Variants in NBDY observed in about 807,000 individuals in gnomAD.
The protein encoded by NBDY is negative regulator of P-body association.
intron 2 of NBDY, among the ~76,000 whole-genome samples, chrX:56,739,260 A>G (rs1004817167): frequency 1.2e-5 from 1 of 80,507 alleles, no homozygotes; most frequent in African/African-American, 5.3e-5. Context: ...ATATATATAT[A>G]TATGTATGTA....
intron 2 of NBDY, among the ~76,000 whole-genome samples, chrX:56,801,987 C>G (rs1305100635): frequency 1.3e-4 from 3 of 23,089 alleles, no homozygotes; most frequent in African/African-American, 2.3e-4. Flanking sequence ...GACACACACA[C>G]ACACACACAC....
At chrX:56,734,783 G>T (rs2069478303) in intron 2 of NBDY, among the ~76,000 whole-genome samples, 1 of 112,023 alleles carries the variant, frequency 8.9e-6, no homozygotes, top group African/African-American at 3.2e-5. Context: ...ATTCAACTTT[G>T]ATGATATTCA....
chrX:56,747,701 G>A (rs1441247216), intron 2 of NBDY, among the ~76,000 whole-genome samples: 1 of 111,633 alleles, frequency 9.0e-6, no homozygotes, highest in South Asian at 3.8e-4. Context: ...GCCATGTGGA[G>A]GATAGTATAG....
chrX:56,813,265 G>T (rs902136188), intron 2 of NBDY, among the ~76,000 whole-genome samples: 1 of 111,051 alleles, frequency 9.0e-6, no homozygotes, highest in Non-Finnish European at 1.9e-5. Context: ...CTCTTGGCTC[G>T]CTGTTTGTCC....
rs184622259 is a variant in NBDY at position 56,799,305 on chromosome X, G to A, written c.*167-18015G>A. ...GGATAGGGTGCCCCTGTCCCTGCGT[G>A]GCCCCAGCCAAGGGCACCCCTGAAC... is the stretch of plus-strand genomic sequence containing the variant. On this transcript the variant is annotated intron_variant, in intron 2 of 2. Transcript: ENST00000374922. 4.0e-3 allele frequency among the ~76,000 whole-genome samples: 448 copies of A among 112,804 alleles called. 2 individuals carry two copies. Among genetic ancestry groups the A allele is most frequent in the African/African-American group, 0.014 (430 of 31,115 alleles).
chrX:56,787,863 T>A (rs2069738280), intron 2 of NBDY, among the ~76,000 whole-genome samples: 1 of 112,342 alleles, frequency 8.9e-6, no homozygotes, highest in African/African-American at 3.2e-5. Flanking sequence ...TCTGGTGACC[T>A]CCATTTATGA....
At chrX:56,750,450 C>T (rs1283124897) in intron 2 of NBDY, among the ~76,000 whole-genome samples, 2 of 84,407 alleles carry the variant, frequency 2.4e-5, no homozygotes, top group Non-Finnish European at 5.4e-5. Context: ...CAATCTCACC[C>T]ACTGTCCTGG....
chrX:56,814,224 T>G (rs1222640183), intron 2 of NBDY, among the ~76,000 whole-genome samples: 1 of 110,880 alleles, frequency 9.0e-6, no homozygotes, highest in Non-Finnish European at 1.9e-5. Context: ...ATTTCATGGT[T>G]TTTGAGTCTT....
intron 2 of NBDY, among the ~76,000 whole-genome samples, chrX:56,802,955 T>C (rs1231306119): frequency 8.9e-6 from 1 of 111,909 alleles, no homozygotes; most frequent in African/African-American, 3.3e-5. Flanking sequence ...CTTTCCCTTT[T>C]CTTTTTTTCA....
chrX:56,815,739 T>C (rs1006020244), intron 2 of NBDY, among the ~76,000 whole-genome samples: 2 of 112,154 alleles, frequency 1.8e-5, no homozygotes, highest in Non-Finnish European at 3.8e-5. Context: ...TACTATGAGA[T>C]ATTATTAAAT....
At chrX:56,747,528 CT>C (rs2069563527) in intron 2 of NBDY, among the ~76,000 whole-genome samples, 1 of 111,377 alleles carries the variant, frequency 9.0e-6, no homozygotes, top group Non-Finnish European at 1.9e-5. Context: ...GGTAGTTTTC[CT>C]GGAGTGGAGA....
chrX:56,738,769 C>A (rs2069511026), intron 2 of NBDY, among the ~76,000 whole-genome samples: 1 of 111,593 alleles, frequency 9.0e-6, no homozygotes, highest in Admixed American at 9.5e-5. Context: ...TGTCACCTTT[C>A]TGAAATCCTC....
intron 2 of NBDY, among the ~76,000 whole-genome samples, chrX:56,747,444 G>A (rs1373691799): frequency 1.8e-5 from 2 of 111,741 alleles, no homozygotes; most frequent in Non-Finnish European, 3.8e-5. Flanking sequence ...AGAACTTCAA[G>A]CAGTGAGAAA....
intron 2 of NBDY, among the ~76,000 whole-genome samples, chrX:56,802,834 G>T (rs1284994406): frequency 8.9e-6 from 1 of 112,738 alleles, no homozygotes; most frequent in African/African-American, 3.2e-5. Context: ...GAGGATTTCC[G>T]CAGTGTCTCC....
At chrX:56,803,959 C>T (rs1361815912) in intron 2 of NBDY, among the ~76,000 whole-genome samples, 1 of 111,307 alleles carries the variant, frequency 9.0e-6, no homozygotes, top group Non-Finnish European at 1.9e-5. Context: ...CTCTGGATTC[C>T]TCTCTGGGCA....
chrX:56,800,655 T>C (rs1251750751), intron 2 of NBDY, among the ~76,000 whole-genome samples: 1 of 112,065 alleles, frequency 8.9e-6, no homozygotes, highest in African/African-American at 3.2e-5. Context: ...TTGCTCACCC[T>C]GATTCTTTGT....
intron 1 of NBDY, among the ~76,000 whole-genome samples, chrX:56,730,015 C>A (rs2069448950): frequency 9.2e-6 from 1 of 108,592 alleles, no homozygotes. Context: ...AAGGCTGGTT[C>A]AAGGCCAATA....
intron 2 of NBDY, chrX:56,810,917 C>A (rs1436727337): frequency 1.8e-5 from 2 of 111,597 alleles, no homozygotes; most frequent in Non-Finnish European, 3.8e-5. Context: ...AAGTTGGTGA[C>A]CATCAGCTGA....
intron 2 of NBDY, among the ~76,000 whole-genome samples, chrX:56,790,416 C>T (rs1328134066): frequency 1.8e-5 from 2 of 111,732 alleles, no homozygotes; most frequent in African/African-American, 6.5e-5. Flanking sequence ...GTGTCAATCT[C>T]GTGTGTGGGC....
Sources: gnomAD v4.1 joint callset for allele counts (sites outside exome capture counted in the v4.1 genomes callset) on GRCh38, gnomAD v4.1.1 for gene constraint, MANE v1.5 for transcripts, NCBI Gene and HGNC (gene_info 2026-07-23, HGNC 2026-07-21) for gene names.